Variants in ACTR3B observed in about 807,000 individuals in gnomAD.
ACTR3B encodes actin-related protein 3B.
A neutral mutation model predicts 59.0 loss-of-function variants in ACTR3B; 8 were observed. The observed-to-expected ratio is 0.14, with a 90% CI of 0.08 to 0.24. The LOEUF is 0.24. Ranked by LOEUF, ACTR3B falls within the 10% of genes least tolerant of loss-of-function variation. The probability of loss-of-function intolerance (pLI) is 1.00; values close to 1 mark genes in which losing one functional copy is unlikely to be tolerated. For missense variants in ACTR3B, 245 were observed against 552.3 expected (o/e 0.44, Z 5.58); for synonymous variants, 148 against 197.9 (o/e 0.75, Z 2.12).
chr7:152,830,990 A>G (rs1240086163), intron 9 of ACTR3B, among the ~76,000 whole-genome samples: 2 of 152,202 alleles, frequency 1.3e-5, no homozygotes, highest in Non-Finnish European at 2.9e-5. Context: ...TTGAAGTGTA[A>G]TATTTGAACA....
At chr7:152,828,171 T>C (rs1796730406) in intron 9 of ACTR3B, among the ~76,000 whole-genome samples, 1 of 152,222 alleles carries the variant, frequency 6.6e-6, no homozygotes, top group Non-Finnish European at 1.5e-5. Flanking sequence ...GTGATAATTA[T>C]CTGCGGACCC....
At chr7:152,765,109 CTTTT>C (rs71182039) in intron 1 of ACTR3B, among the ~76,000 whole-genome samples, 2 of 66,278 alleles carry the variant, frequency 3.0e-5, no homozygotes, top group Non-Finnish European at 5.5e-5. Context: ...TACCCTGGCC[CTTTT>C]TTTTTTTTTT....
chr7:152,770,384 G>GAAT (rs2098121088), intron 1 of ACTR3B, among the ~76,000 whole-genome samples: 1 of 152,112 alleles, frequency 6.6e-6, no homozygotes, highest in Non-Finnish European at 1.5e-5. Context: ...GCTGATGGAT[G>GAAT]AATAGACCAT....
chr7:152,795,019 G>T (rs2098211126), intron 2 of ACTR3B, among the ~76,000 whole-genome samples: 1 of 148,600 alleles, frequency 6.7e-6, no homozygotes, highest in Non-Finnish European at 1.5e-5. Flanking sequence ...CTGAGAAAAA[G>T]GCTTCAGTTT....
intron 1 of ACTR3B, among the ~76,000 whole-genome samples, chr7:152,778,352 CG>C (rs1351041328): frequency 6.6e-6 from 1 of 151,458 alleles, no homozygotes; most frequent in Non-Finnish European, 1.5e-5. Flanking sequence ...TCTTGTGCCT[CG>C]GCCTCCTGAG....
intron 1 of ACTR3B, among the ~76,000 whole-genome samples, chr7:152,778,775 C>A (rs1280297748): frequency 6.7e-6 from 1 of 149,882 alleles, no homozygotes; most frequent in Non-Finnish European, 1.5e-5. Flanking sequence ...CCCCTCTGTA[C>A]AAAAAATAAA....
At chr7:152,787,094 T>G (rs2098177197) in intron 2 of ACTR3B, among the ~76,000 whole-genome samples, 1 of 152,176 alleles carries the variant, frequency 6.6e-6, no homozygotes, top group African/African-American at 2.4e-5. Flanking sequence ...CAACACCTAA[T>G]TAGGTATTGC....
intron 6 of ACTR3B, among the ~76,000 whole-genome samples, chr7:152,818,772 G>A (rs1276779690): frequency 6.6e-6 from 1 of 151,890 alleles, no homozygotes; most frequent in African/African-American, 2.4e-5. Flanking sequence ...TAAGACACGT[G>A]TGCTCACGCA....
At chr7:152,851,989 C>T in intron 9 of ACTR3B, 137 bp from the exon 10 acceptor site, 5 of 1,201,314 alleles carry the variant, frequency 4.2e-6, no homozygotes, top group Non-Finnish European at 5.9e-6. Flanking sequence ...ATTAAGTTTG[C>T]TTTTGTTCGC....
chr7:152,785,023 A>G (rs1391241812), intron 2 of ACTR3B, among the ~76,000 whole-genome samples: 2 of 152,102 alleles, frequency 1.3e-5, no homozygotes, highest in Non-Finnish European at 2.9e-5. Context: ...GAACCTGATC[A>G]TTCCATGCTG....
At chr7:152,799,620 AT>A (rs2116726051) in intron 2 of ACTR3B, among the ~76,000 whole-genome samples, 1 of 152,362 alleles carries the variant, frequency 6.6e-6, no homozygotes, top group East Asian at 1.9e-4. Context: ...ATCTTAAACA[AT>A]TGTAATTCAT....
chr7:152,792,050 C>G (rs2098198321), intron 2 of ACTR3B, among the ~76,000 whole-genome samples: 1 of 152,118 alleles, frequency 6.6e-6, no homozygotes, highest in African/African-American at 2.4e-5. Flanking sequence ...CACCACCACG[C>G]CCGGCTAATT....
intron 9 of ACTR3B, among the ~76,000 whole-genome samples, chr7:152,849,714 T>C (rs1047843517): frequency 6.6e-6 from 1 of 152,284 alleles, no homozygotes; most frequent in Non-Finnish European, 1.5e-5. Flanking sequence ...ACATGGCTTC[T>C]TTAGCCCCTG....
At chr7:152,828,555 G>A (rs1439606197) in intron 9 of ACTR3B, among the ~76,000 whole-genome samples, 1 of 151,926 alleles carries the variant, frequency 6.6e-6, no homozygotes, top group Non-Finnish European at 1.5e-5. Context: ...TAGGTCTGTG[G>A]GTTTTTAAAA....
chr7:152,829,859 T>C, intron 9 of ACTR3B, among the ~76,000 whole-genome samples: 1 of 152,216 alleles, frequency 6.6e-6, no homozygotes, highest in South Asian at 2.1e-4. Flanking sequence ...CTTTGTAATG[T>C]AATGGATGTC....
chr7:152,820,324 G>T lies in ACTR3B; in HGVS notation c.566G>T (p.Cys189Phe), dbSNP rs954084376. The change falls in exon 7 of 12, where the codon TGC (cysteine) becomes TTC (phenylalanine). Residue 189 changes from cysteine (C) to phenylalanine (F), a missense_variant. By Grantham distance (205) the Cys-to-Phe change is radical. This residue lies in a region of ACTR3B where 12 missense variants were observed against 68.7 expected (regional missense o/e 0.17). Transcript: ENST00000256001. ...PVAEGYVIGS[C>F]IKHIPIAGRD... ...GCAGAAGGTTATGTAATTGGAAGCT[G>T]CATCAAACACATCCCGATTGCAGGT... 6.2e-7 allele frequency: 1 copy of T among 1,602,602 alleles called. No homozygotes were observed. The highest frequency in any genetic ancestry group is 8.5e-7 in the Non-Finnish European group (1 of 1,171,510).
chr7:152,830,239 TGCCTGCGGTGCCTGTTTTGACCAGA>T (rs1432628973), intron 9 of ACTR3B, among the ~76,000 whole-genome samples: 12 of 152,130 alleles, frequency 7.9e-5, no homozygotes, highest in Non-Finnish European at 4.4e-5. Flanking sequence ...AGTGGGCAGA[TGCCTGCGGTGCCTGTTTTGACCAGA>T]GCCTACGGTG....
intron 9 of ACTR3B, among the ~76,000 whole-genome samples, chr7:152,831,081 C>T (rs921991323): frequency 5.9e-5 from 9 of 152,312 alleles, no homozygotes; most frequent in Non-Finnish European, 8.8e-5. Context: ...GCCCCAGTTC[C>T]ACACTAATAT....
chr7:152,821,419 G>A (rs1320051172), intron 7 of ACTR3B, among the ~76,000 whole-genome samples: 1 of 151,936 alleles, frequency 6.6e-6, no homozygotes, highest in Non-Finnish European at 1.5e-5. Context: ...TTGAGGCCAG[G>A]GTTCGAAACT....
Sources: allele counts gnomAD v4.1 joint callset (sites outside exome capture counted in the v4.1 genomes callset), GRCh38; gene constraint gnomAD v4.1.1; regional missense constraint gnomAD v4.1.1; transcripts MANE v1.5; gene names NCBI Gene and HGNC (gene_info 2026-07-23, HGNC 2026-07-21).